CELF4: variants seen among roughly 807,000 people sequenced by gnomAD.
CELF4 encodes the protein CUG-BP- and ETR-3-like factor 4.
Under a neutral mutation model 59.9 loss-of-function variants are expected in CELF4, and 18 were observed. The ratio of observed to expected loss-of-function variants is 0.30; its 90% CI spans 0.21 to 0.45. CELF4 has a LOEUF of 0.45. Among genes scored for constraint, CELF4 ranks in the 20% least tolerant of loss-of-function variants. CELF4 has a pLI of 1.00. For synonymous variants in CELF4, 261 were observed against 267.1 expected (o/e 0.98, Z 0.22); for missense variants, 456 against 689.0 (o/e 0.66, Z 3.79).
rs201381880 is a variant in CELF4, at chr18:37,513,993, G to C, written c.287-28386C>G. On this transcript the variant is annotated intron_variant, in intron 1 of 12. Transcript: ENST00000420428. ...GTGTGTGTGTGTGTGTATACCTTCT[G>C]ACAGAGGTGTGGGATGGTGACTTCT... 1.1e-4 allele frequency among the ~76,000 whole-genome samples: 17 copies of C among 150,984 alleles called. No individual in the cohort carries two copies. In the East Asian group the frequency reaches 3.1e-3, roughly 28 times the overall value.
intron 2 of CELF4, among the ~76,000 whole-genome samples, chr18:37,353,734 G>A (rs1167927928): frequency 7.6e-5 from 11 of 144,578 alleles, no homozygotes; most frequent in African/African-American, 2.8e-4. Context: ...AAAGAGACCA[G>A]TGGGCTGGTG....
chr18:37,383,095 T>C (rs2154570374), intron 2 of CELF4, among the ~76,000 whole-genome samples: 1 of 152,304 alleles, frequency 6.6e-6, no homozygotes, highest in South Asian at 2.1e-4. Flanking sequence ...CACTATGTTG[T>C]CCAGGCTAGT....
intron 1 of CELF4, among the ~76,000 whole-genome samples, chr18:37,543,510 G>T (rs1469727164): frequency 6.6e-6 from 1 of 152,176 alleles, no homozygotes; most frequent in Non-Finnish European, 1.5e-5. Context: ...AGCCTCCTGG[G>T]CAGGGGCTGT....
intron 6 of CELF4, chr18:37,273,553 GA>G: frequency 1.0e-6 from 1 of 999,894 alleles, no homozygotes; most frequent in Non-Finnish European, 1.2e-6. Flanking sequence ...TTTCTGTCCA[GA>G]ATGGTTTTAA....
intron 1 of CELF4, among the ~76,000 whole-genome samples, chr18:37,487,527 C>T (rs2099883669): frequency 6.6e-6 from 1 of 152,186 alleles, no homozygotes; most frequent in Admixed American, 6.5e-5. Context: ...CACTGGCAGA[C>T]TGTTATTGAT....
chr18:37,287,246 G>A (rs1338082912), intron 3 of CELF4, among the ~76,000 whole-genome samples: 1 of 152,204 alleles, frequency 6.6e-6, no homozygotes, highest in Non-Finnish European at 1.5e-5. Context: ...GGGATGCAAT[G>A]GGATTGGTCT....
At chr18:37,415,505 T>C (rs1459654106) in intron 2 of CELF4, among the ~76,000 whole-genome samples, 2 of 152,194 alleles carry the variant, frequency 1.3e-5, no homozygotes, top group Admixed American at 6.5e-5. Flanking sequence ...CATACCCAAG[T>C]TTCTGAATAC....
At chr18:37,516,908 C>T (rs1159952455) in intron 1 of CELF4, among the ~76,000 whole-genome samples, 2 of 152,228 alleles carry the variant, frequency 1.3e-5, no homozygotes, top group Non-Finnish European at 2.9e-5. Flanking sequence ...CACAATTTCC[C>T]TCCCCAAAAA....
chr18:37,547,710 A>G (rs1453874691), intron 1 of CELF4, among the ~76,000 whole-genome samples: 3 of 152,128 alleles, frequency 2.0e-5, no homozygotes, highest in African/African-American at 7.2e-5. Flanking sequence ...CTCCCTTCCA[A>G]GCTGGGCCCC....
chr18:37,443,407 C>A (rs1009571315), intron 2 of CELF4, among the ~76,000 whole-genome samples: 1 of 152,108 alleles, frequency 6.6e-6, no homozygotes, highest in East Asian at 1.9e-4. Context: ...CTAGCACACT[C>A]CCTCTGCATA....
rs201568325 is a variant in CELF4, at chr18:37,455,770, A to G, written c.369+29755T>C. Among the ~76,000 whole-genome samples, 27 of 152,290 alleles carry G rather than the reference A, an allele frequency of 1.8e-4. No individual in the cohort carries two copies. In the East Asian group the frequency reaches 4.8e-3, roughly 27 times the overall value. ...CTTGCCACAGAGAATGACTGATCAT[A>G]TACCCGCAGCTGGGACAGGCCGAGG... is the stretch of plus-strand genomic sequence containing the variant. On this transcript the variant is annotated intron_variant, in intron 2 of 12. Coordinates refer to ENST00000420428, the MANE Select transcript of CELF4 (RefSeq NM_020180.4).
chr18:37,407,534 T>G (rs936702793), intron 2 of CELF4, among the ~76,000 whole-genome samples: 22 of 152,200 alleles, frequency 1.4e-4, no homozygotes, highest in Admixed American at 3.3e-4. Context: ...GGTGTGTACA[T>G]GTGTGTATAT....
chr18:37,390,180 G>A (rs567985326), intron 2 of CELF4, among the ~76,000 whole-genome samples: 37 of 152,320 alleles, frequency 2.4e-4, no homozygotes, highest in Non-Finnish European at 4.0e-4. Flanking sequence ...CCATGAGCGT[G>A]CGCCACATGG....
intron 1 of CELF4, among the ~76,000 whole-genome samples, chr18:37,545,832 C>A (rs2099981209): frequency 6.6e-6 from 1 of 152,094 alleles, no homozygotes; most frequent in Non-Finnish European, 1.5e-5. Context: ...TTCTGGGGAG[C>A]TGACCCCCTC....
At chr18:37,274,629 G>A (rs1227816009) in intron 5 of CELF4, 175 bp from the exon 6 acceptor site, 1 of 1,504,562 alleles carries the variant, frequency 6.6e-7, no homozygotes, top group Non-Finnish European at 8.8e-7. Context: ...TTCCACCTGG[G>A]TAACCTCAGG....
chr18:37,331,538 A>C (rs921095393), intron 2 of CELF4, among the ~76,000 whole-genome samples: 3 of 152,130 alleles, frequency 2.0e-5, no homozygotes, highest in Non-Finnish European at 4.4e-5. Flanking sequence ...TCAGGGTGGA[A>C]GGAACCAGGC....
chr18:37,451,317 T>C (rs1055880476), intron 2 of CELF4, among the ~76,000 whole-genome samples: 2 of 151,996 alleles, frequency 1.3e-5, no homozygotes, highest in African/African-American at 4.8e-5. Context: ...ACGAACGTAG[T>C]GTGTCTGTGT....
intron 1 of CELF4, among the ~76,000 whole-genome samples, chr18:37,555,519 T>C (rs1461485246): frequency 3.3e-5 from 5 of 152,206 alleles, no homozygotes; most frequent in Non-Finnish European, 5.9e-5. Flanking sequence ...AGCTGTATAT[T>C]CTTAGAACCA....
At chr18:37,487,396 C>T (rs1019425929) in intron 1 of CELF4, among the ~76,000 whole-genome samples, 1 of 152,220 alleles carries the variant, frequency 6.6e-6, no homozygotes, top group Non-Finnish European at 1.5e-5. Flanking sequence ...TCCCCACCTC[C>T]AACTCCTGCC....
Sources: allele counts gnomAD v4.1 joint callset (sites outside exome capture counted in the v4.1 genomes callset), GRCh38; gene constraint gnomAD v4.1.1; transcripts MANE v1.5; gene names NCBI Gene and HGNC (gene_info 2026-07-23, HGNC 2026-07-21).